CHSY3: variants seen among roughly 807,000 people sequenced by gnomAD.
The protein encoded by CHSY3 is chondroitin sulfate synthase 3.
Under a neutral mutation model 67.2 loss-of-function variants are expected in CHSY3, and 35 were observed. That is an observed-to-expected ratio of 0.52 (90% CI 0.40 to 0.69). The LOEUF (loss-of-function observed/expected upper bound fraction) is 0.69, where lower values mean the gene tolerates loss of function less well. Ranked by LOEUF, CHSY3 falls within the 30% of genes least tolerant of loss-of-function variation. CHSY3 has a pLI of 0.00. For synonymous variants in CHSY3, 474 were observed against 434.7 expected (o/e 1.09, Z -1.12); for missense variants, 1,069 against 1,138.5 (o/e 0.94, Z 0.88).
intron 2 of CHSY3, among the ~76,000 whole-genome samples, chr5:130,178,239 A>T (rs1470083720): frequency 1.9e-4 from 12 of 64,088 alleles, no homozygotes; most frequent in Admixed American, 1.5e-3. Context: ...ATATATATAT[A>T]TATATATATA....
At chr5:130,039,001 A>G (rs958195087) in intron 2 of CHSY3, among the ~76,000 whole-genome samples, 2 of 152,292 alleles carry the variant, frequency 1.3e-5, no homozygotes, top group East Asian at 3.9e-4. Context: ...ATATTTCTAT[A>G]TCGTAACAGT....
chr5:129,967,621 G>T (rs1464123836), intron 2 of CHSY3, among the ~76,000 whole-genome samples: 1 of 151,676 alleles, frequency 6.6e-6, no homozygotes, highest in South Asian at 2.1e-4. Context: ...AGACTGAATT[G>T]CAGTACAGAC....
At chr5:129,976,610 T>C (rs1762814236) in intron 2 of CHSY3, among the ~76,000 whole-genome samples, 1 of 152,070 alleles carries the variant, frequency 6.6e-6, no homozygotes, top group African/African-American at 2.4e-5. Flanking sequence ...GTATTTAATA[T>C]AGAACTTCCT....
At chr5:130,039,216 A>C (rs957562412) in intron 2 of CHSY3, among the ~76,000 whole-genome samples, 19 of 152,050 alleles carry the variant, frequency 1.2e-4, no homozygotes, top group African/African-American at 4.6e-4. Context: ...GATAATTTGG[A>C]TTAAAAATAG....
At chr5:130,167,557 AG>A (rs1027167210) in intron 2 of CHSY3, among the ~76,000 whole-genome samples, 1 of 152,154 alleles carries the variant, frequency 6.6e-6, no homozygotes, top group Non-Finnish European at 1.5e-5. Flanking sequence ...TTTCAAGCTG[AG>A]GGAAATGTTA....
intron 2 of CHSY3, among the ~76,000 whole-genome samples, chr5:129,938,825 C>G (rs1761599561): frequency 6.6e-6 from 1 of 152,186 alleles, no homozygotes; most frequent in Non-Finnish European, 1.5e-5. Context: ...AAGTTCCAAA[C>G]TTTCTCTCAT....
At chr5:130,019,980 A>G (rs1219365594) in intron 2 of CHSY3, among the ~76,000 whole-genome samples, 1 of 152,212 alleles carries the variant, frequency 6.6e-6, no homozygotes, top group South Asian at 2.1e-4. Flanking sequence ...ATAAGCCCCA[A>G]TTAGCTTTGT....
chr5:130,065,108 G>A lies in CHSY3; in HGVS notation c.1087-119121G>A, dbSNP rs1297481277. Among the ~76,000 whole-genome samples, 5 of 152,156 alleles carry A rather than the reference G, an allele frequency of 3.3e-5. No individual in the cohort carries two copies. In the East Asian group the frequency reaches 9.6e-4, roughly 29 times the overall value. ...TTATTTTGCTACTACGGAGCCAACA[G>A]ATGCCAAAGCCTCAGAACAGTTAAA... On this transcript the variant is annotated intron_variant, in intron 2 of 2. Coordinates refer to ENST00000305031, the MANE Select transcript of CHSY3 (RefSeq NM_175856.5).
intron 2 of CHSY3, among the ~76,000 whole-genome samples, chr5:129,968,173 T>A (rs1353611827): frequency 6.6e-6 from 1 of 151,834 alleles, no homozygotes; most frequent in Non-Finnish European, 1.5e-5. Flanking sequence ...AAATTATTCT[T>A]TCAATTCCAT....
chr5:130,160,951 C>A (rs1450359856), intron 2 of CHSY3, among the ~76,000 whole-genome samples: 2 of 149,534 alleles, frequency 1.3e-5, no homozygotes, highest in Non-Finnish European at 3.0e-5. Context: ...GTCGCCCAGG[C>A]TGGAGTGCAG....
chr5:130,156,789 A>G lies in CHSY3; in HGVS notation c.1087-27440A>G, dbSNP rs186980746. 2.4e-3 allele frequency among the ~76,000 whole-genome samples: 363 copies of G among 152,340 alleles called. 3 individuals are homozygous for G. Among genetic ancestry groups the G allele is most frequent in the Admixed American group, 9.0e-3 (137 of 15,294 alleles). ...TTACAGACAGCTACTGGCTGAAACC[A>G]TAGGATCAGGCTTTTTGACACCCAT... On this transcript the variant is annotated intron_variant, in intron 2 of 2. Coordinates refer to ENST00000305031, the MANE Select transcript of CHSY3 (RefSeq NM_175856.5).
intron 2 of CHSY3, among the ~76,000 whole-genome samples, chr5:130,132,507 C>T (rs1308669573): frequency 6.6e-6 from 1 of 152,134 alleles, no homozygotes; most frequent in Non-Finnish European, 1.5e-5. Context: ...ATTATAGAAT[C>T]ACACATTATT....
At chr5:130,060,526 C>G (rs964963870) in intron 2 of CHSY3, among the ~76,000 whole-genome samples, 1 of 152,098 alleles carries the variant, frequency 6.6e-6, no homozygotes, top group South Asian at 2.1e-4. Context: ...CTACTCTTAG[C>G]TCTTTCATTC....
upstream of CHSY3, chr5:129,904,448 G>A (rs1760146369): frequency 1.7e-5 from 3 of 178,122 alleles, no homozygotes; most frequent in African/African-American, 4.7e-5. Flanking sequence ...AGGGAGGAGG[G>A]AGGGCCCAGG....
chr5:130,154,260 A>G (rs1263266304), intron 2 of CHSY3, among the ~76,000 whole-genome samples: 1 of 152,194 alleles, frequency 6.6e-6, no homozygotes, highest in Admixed American at 6.5e-5. Context: ...CATCAGTCCC[A>G]GTAGACAAGA....
chr5:129,999,039 A>G (rs1397290968), intron 2 of CHSY3, among the ~76,000 whole-genome samples: 2 of 151,912 alleles, frequency 1.3e-5, no homozygotes, highest in Non-Finnish European at 2.9e-5. Flanking sequence ...CTAAAATATT[A>G]CAAGTTTTTA....
intron 1 of CHSY3, among the ~76,000 whole-genome samples, chr5:129,906,412 A>G (rs892404889): frequency 2.0e-5 from 3 of 152,234 alleles, no homozygotes; most frequent in Admixed American, 2.0e-4. Context: ...TGGGAACAGC[A>G]GACTGTACTA....
chr5:129,996,699 T>A (rs534442970), intron 2 of CHSY3, among the ~76,000 whole-genome samples: 1 of 152,100 alleles, frequency 6.6e-6, no homozygotes, highest in Non-Finnish European at 1.5e-5. Flanking sequence ...GATCTTATTA[T>A]CTTTATGACA....
intron 2 of CHSY3, among the ~76,000 whole-genome samples, chr5:130,038,110 G>A (rs1356768916): frequency 6.6e-6 from 1 of 152,084 alleles, no homozygotes; most frequent in East Asian, 1.9e-4. Context: ...CTGCCACAGA[G>A]GGAGTTGCTG....
Sources: allele counts gnomAD v4.1 joint callset (sites outside exome capture counted in the v4.1 genomes callset), GRCh38; gene constraint gnomAD v4.1.1; transcripts MANE v1.5; gene names NCBI Gene and HGNC (gene_info 2026-07-23, HGNC 2026-07-21).